NRBP1: variants seen among roughly 807,000 people sequenced by gnomAD.
The protein encoded by NRBP1 is nuclear receptor binding protein 1.
NRBP1 carries 10 observed loss-of-function variants against 76.0 expected under a neutral mutation model. The ratio of observed to expected loss-of-function variants is 0.13; its 90% CI spans 0.08 to 0.22. The LOEUF is 0.22. Among genes scored for constraint, NRBP1 ranks in the 10% least tolerant of loss-of-function variants. NRBP1 has a pLI of 1.00. For synonymous variants in NRBP1, 235 were observed against 240.2 expected, an observed-to-expected ratio of 0.98 and a Z score of 0.20; for missense variants, 344 against 646.0, an observed-to-expected ratio of 0.53 and a Z score of 5.07.
At chr2:27,441,544 AC>A in intron 16 of NRBP1, 22 bp from the exon 17 acceptor site, 1 of 1,613,102 alleles carries the variant, frequency 6.2e-7, no homozygotes. Context: ...TACTGTACTC[AC>A]CCCCTCCTGT....
At chr2:27,430,851 A>G (rs1412226598) in intron 1 of NRBP1, among the ~76,000 whole-genome samples, 1 of 152,206 alleles carries the variant, frequency 6.6e-6, no homozygotes, top group African/African-American at 2.4e-5. Context: ...AGAGATATGA[A>G]ATAACATTAA....
At chr2:27,435,742 T>C (rs923903595) in intron 7 of NRBP1, 3 of 717,618 alleles carry the variant, frequency 4.2e-6, no homozygotes, top group Non-Finnish European at 7.8e-6. Flanking sequence ...GGATTTTTGC[T>C]AATGGTGAGA....
At chr2:27,432,461 T>G (rs1664146811) in intron 1 of NRBP1, among the ~76,000 whole-genome samples, 1 of 152,230 alleles carries the variant, frequency 6.6e-6, no homozygotes, top group Non-Finnish European at 1.5e-5. Context: ...TTTTTAATTT[T>G]TAAAAGTTTT....
intron 4 of NRBP1, 63 bp downstream of exon 4, chr2:27,434,153 G>C: frequency 1.6e-6 from 2 of 1,280,786 alleles, no homozygotes; most frequent in South Asian, 2.5e-5. Context: ...ATTTATTATT[G>C]TTCCTTTTAC....
intron 7 of NRBP1, 59 bp from the exon 8 acceptor site, chr2:27,436,694 G>A: frequency 1.3e-6 from 2 of 1,485,902 alleles, no homozygotes; most frequent in Non-Finnish European, 9.4e-7. Context: ...GCCTCTCTCT[G>A]GAGTGAGACT....
chr2:27,434,226 A>C (rs901951032), intron 4 of NRBP1, 136 bp downstream of exon 4: 2 of 783,340 alleles, frequency 2.6e-6, no homozygotes, highest in African/African-American at 3.5e-5. Context: ...TGGCGATAAG[A>C]GTAGGGCTTC....
At chr2:27,428,426 G>A (rs1663947574), upstream of NRBP1, 2 of 381,356 alleles carry the variant, frequency 5.2e-6, no homozygotes, top group Admixed American at 4.5e-5. Context: ...AGAGAGACGA[G>A]CCCCAGCTGG....
rs976150273 is a variant in NRBP1, at chr2:27,441,942, G to T, written c.*130G>T. 4.6e-6 allele frequency: 3 copies of T among 656,804 alleles called. No individual in the cohort carries two copies. Among genetic ancestry groups the T allele is most frequent in the Non-Finnish European group, 8.1e-6 (3 of 369,196 alleles). 40.7% of individuals were successfully genotyped at this position (656,804 alleles called of 1,614,324 possible). On this transcript the variant is annotated 3_prime_UTR_variant, in exon 18 of 18. Transcript: ENST00000379852. ...CCTCCTTTATTATTCAGGAGGGCTGGGGGGGCTCCCTGGTTCTGAGCATCA... is the reference window on the plus strand; with the variant it reads ...CCTCCTTTATTATTCAGGAGGGCTGTGGGGGCTCCCTGGTTCTGAGCATCA...
chr2:27,436,683 G>A (rs1664320103), intron 7 of NRBP1, 70 bp from the exon 8 acceptor site: 1 of 1,395,730 alleles, frequency 7.2e-7, no homozygotes, highest in Non-Finnish European at 1.0e-6. Flanking sequence ...TGGCTTTTGG[G>A]GCCTCTCTCT....
At chr2:27,433,923 A>G (rs1664205877) in intron 3 of NRBP1, 66 bp from the exon 4 acceptor site, 2 of 1,592,380 alleles carry the variant, frequency 1.3e-6, no homozygotes, top group Admixed American at 3.4e-5. Context: ...AGGGATAGGG[A>G]ATGGCTTCTC....
At chr2:27,441,394 CA>C (rs1664551085) in intron 16 of NRBP1, 64 bp downstream of exon 16, 7 of 1,525,064 alleles carry the variant, frequency 4.6e-6, no homozygotes, top group Admixed American at 3.3e-5. Context: ...GGGACATATT[CA>C]GGGGTGGGGG....
Position 27,437,330 on chromosome 2 carries a change from C to T in NRBP1, c.873C>T (p.Ala291=), listed in dbSNP as rs1273095099. 6.2e-7 allele frequency: 1 copy of T among 1,613,634 alleles called. No homozygotes were observed. Among genetic ancestry groups the T allele is most frequent in the Non-Finnish European group, 8.5e-7 (1 of 1,179,770 alleles). ...TGCCACAGGAAGCCATCAGCAGTGCCATCCAGCTTCTAGAAGACCCATTAC... is the reference window on the plus strand; with the variant it reads ...TGCCACAGGAAGCCATCAGCAGTGCTATCCAGCTTCTAGAAGACCCATTAC... The part of the protein sequence containing the change: ...SYVPQEAISS[A]IQLLEDPLQR... The change falls in exon 10 of 18, where the codon GCC becomes GCT. Residue 291 remains alanine, a synonymous_variant. Transcript: ENST00000379852.
At position 27,441,901 on chromosome 2, in the gene NRBP1, C is replaced by T. The variant is rs1377760990; in HGVS notation, c.*89C>T. The T allele has an allele frequency of 1.8e-5, 14 of 760,958 alleles. No individual in the cohort carries two copies. The highest frequency in any genetic ancestry group is 2.7e-5 in the Non-Finnish European group (12 of 444,152). The allele number at this position is 760,958 out of a possible 1,614,324, so 47.1% of individuals were successfully genotyped here. A position where few individuals can be genotyped will look rare whatever the true frequency, so the allele number is the denominator to read the frequency against. ...GTCCCTTCCCCCCAGTCAGTATTAC[C>T]CTGTGAAGCCCCTTCCCTCCTTTAT... is the stretch of plus-strand genomic sequence containing the variant. On this transcript the variant is annotated 3_prime_UTR_variant, in exon 18 of 18. Transcript: ENST00000379852.
Position 27,436,802 on chromosome 2 carries a change from G to C in NRBP1, c.711G>C (p.Gln237His). ...NNHVKTCREE[Q>H]KNLHFFAPEY... is the part of the protein sequence containing the mutation. ...ATGTGAAGACTTGTCGAGAAGAGCA[G>C]AAGAATCTACACTTCTTTGCACCAG... Residue 237 changes from glutamine to histidine, a missense_variant, in exon 8 of 18, where the codon CAG becomes CAC. By Grantham distance (24) the Gln-to-His change is conservative (BLOSUM62 0). Coordinates refer to ENST00000379852, the MANE Select transcript of NRBP1 (RefSeq NM_013392.4). The C allele has an allele frequency of 6.2e-7, 1 of 1,613,700 alleles. No individual in the cohort carries two copies. The highest frequency in any genetic ancestry group is 2.2e-5 in the East Asian group (1 of 44,856).
intron 2 of NRBP1, 31 bp downstream of exon 2, chr2:27,433,514 A>G: frequency 6.2e-7 from 1 of 1,610,920 alleles, no homozygotes; most frequent in South Asian, 1.1e-5. Context: ...CTCTTGGGTG[A>G]GTGAATTCTG....
At chr2:27,428,931 C>T (rs1444851289) in intron 1 of NRBP1, among the ~76,000 whole-genome samples, 200 bp downstream of exon 1, 3 of 152,106 alleles carry the variant, frequency 2.0e-5, no homozygotes, top group Non-Finnish European at 4.4e-5. Flanking sequence ...GCTTAGCCCT[C>T]CCTGGCGTCT....
At chr2:27,440,262 G>A in intron 11 of NRBP1, 141 bp from the exon 12 acceptor site, 1 of 662,894 alleles carries the variant, frequency 1.5e-6, no homozygotes. Context: ...GTCCGCCTCG[G>A]CTTCCCAAAG....
intron 16 of NRBP1, 84 bp from the exon 17 acceptor site, chr2:27,441,483 C>A: frequency 6.7e-7 from 1 of 1,497,902 alleles, no homozygotes; most frequent in Non-Finnish European, 9.3e-7. Context: ...ATCTGACTGA[C>A]AGTTTAGCCC....
At chr2:27,435,931 C>G in intron 7 of NRBP1, 1 of 623,172 alleles carries the variant, frequency 1.6e-6, no homozygotes, top group Non-Finnish European at 2.9e-6. Context: ...TGCTTGTTTC[C>G]TGTGGATTCT....
Sources: gnomAD v4.1 joint callset for allele counts (sites outside exome capture counted in the v4.1 genomes callset) on GRCh38, gnomAD v4.1.1 for gene constraint, MANE v1.5 for transcripts, NCBI Gene and HGNC (gene_info 2026-07-23, HGNC 2026-07-21) for gene names.